The following CHN2 variants were observed in gnomAD, a reference collection of about 807,000 sequenced individuals.
CHN2 encodes the protein chimerin 2, also known as beta-chimaerin.
Under a neutral mutation model 56.3 loss-of-function variants are expected in CHN2, and 35 were observed. That is an observed-to-expected ratio of 0.62 (90% CI 0.47 to 0.82). The LOEUF (loss-of-function observed/expected upper bound fraction) is 0.82, where lower values mean the gene tolerates loss of function less well. Ranked by LOEUF, CHN2 falls within the 40% of genes least tolerant of loss-of-function variation. CHN2 has a pLI of 0.00. For missense variants in CHN2, 491 were observed against 580.5 expected, an observed-to-expected ratio of 0.85 and a Z score of 1.58; for synonymous variants, 210 against 212.8, an observed-to-expected ratio of 0.99 and a Z score of 0.12.
At chr7:29,216,849 T>C (rs1785382580) in intron 1 of CHN2, among the ~76,000 whole-genome samples, 1 of 152,206 alleles carries the variant, frequency 6.6e-6, no homozygotes. Context: ...TATGTTTGCA[T>C]TGTTGGATGG....
chr7:29,490,428 A>C (rs1474204559), intron 7 of CHN2, among the ~76,000 whole-genome samples: 2 of 152,156 alleles, frequency 1.3e-5, no homozygotes, highest in African/African-American at 4.8e-5. Context: ...TTGCCTGTTT[A>C]TTCTTGTAGA....
intron 7 of CHN2, among the ~76,000 whole-genome samples, chr7:29,485,858 C>G (rs149389372): frequency 6.6e-6 from 1 of 152,208 alleles, no homozygotes; most frequent in East Asian, 1.9e-4. Flanking sequence ...CCTCTCCAGT[C>G]TGCATGGGGA....
chr7:29,442,934 C>CTTT (rs541792526), intron 6 of CHN2, among the ~76,000 whole-genome samples: 2,752 of 103,048 alleles, frequency 0.027, 582 homozygotes, highest in African/African-American at 0.1. Flanking sequence ...CATTGAATTT[C>CTTT]TTTTTTTTTT....
intron 6 of CHN2, among the ~76,000 whole-genome samples, chr7:29,402,150 G>A (rs115607544): frequency 0.012 from 1,797 of 152,286 alleles, 39 homozygotes; most frequent in South Asian, 0.051. Flanking sequence ...ATTGGCAGAG[G>A]GGCTTCATCA....
intron 6 of CHN2, among the ~76,000 whole-genome samples, chr7:29,407,859 T>C (rs1212975272): frequency 6.6e-6 from 1 of 152,202 alleles, no homozygotes; most frequent in East Asian, 1.9e-4. Context: ...GTTCTCAAAC[T>C]GACTGAAGGT....
At chr7:29,222,150 A>T (rs767878784) in intron 1 of CHN2, among the ~76,000 whole-genome samples, 12 of 152,198 alleles carry the variant, frequency 7.9e-5, no homozygotes, top group Non-Finnish European at 8.8e-5. Flanking sequence ...AATACAGCTA[A>T]CAAGGGAAGT....
At chr7:29,393,835 T>C in intron 4 of CHN2, 125 bp downstream of exon 4, 1 of 299,488 alleles carries the variant, frequency 3.3e-6, no homozygotes, top group Non-Finnish European at 5.8e-6. Flanking sequence ...AGTTTAATGA[T>C]AATAAATGCA....
intron 7 of CHN2, among the ~76,000 whole-genome samples, chr7:29,494,349 T>C (rs1352415901): frequency 6.6e-6 from 1 of 152,138 alleles, no homozygotes; most frequent in Non-Finnish European, 1.5e-5. Context: ...AGATTAACAA[T>C]TGACTTTGCT....
At chr7:29,247,218 A>G (rs1237860047) in intron 1 of CHN2, among the ~76,000 whole-genome samples, 1 of 152,204 alleles carries the variant, frequency 6.6e-6, no homozygotes, top group Admixed American at 6.5e-5. Context: ...GCGGTTTGGC[A>G]TCTGAGCTTG....
chr7:29,263,176 G>T (rs1053155178), intron 1 of CHN2, among the ~76,000 whole-genome samples: 8 of 152,306 alleles, frequency 5.3e-5, no homozygotes, highest in Middle Eastern at 6.8e-3. Flanking sequence ...TTGCAGGCAC[G>T]CGCCGCCACG....
chr7:29,404,408 C>T (rs1802466620), intron 6 of CHN2, among the ~76,000 whole-genome samples: 1 of 152,132 alleles, frequency 6.6e-6, no homozygotes, highest in African/African-American at 2.4e-5. Flanking sequence ...ATGATCCATG[C>T]CCTTAAATAA....
intron 1 of CHN2, among the ~76,000 whole-genome samples, chr7:29,283,420 CCCCTT>C (rs1200526893): frequency 2.6e-5 from 4 of 152,122 alleles, no homozygotes; most frequent in African/African-American, 9.7e-5. Context: ...AGAATCCTCT[CCCCTT>C]CCATGTGGAC....
chr7:29,483,224 C>T (rs188331378), intron 7 of CHN2, among the ~76,000 whole-genome samples: 1 of 152,230 alleles, frequency 6.6e-6, no homozygotes, highest in East Asian at 1.9e-4. Context: ...AACTATTACC[C>T]CAGGTAAAAA....
At chr7:29,199,671 T>A (rs1784003840) in intron 1 of CHN2, 1 of 152,190 alleles carries the variant, frequency 6.6e-6, no homozygotes, top group Admixed American at 6.5e-5. Context: ...TTTTAACTTA[T>A]TAGATTTTAT....
At chr7:29,248,020 G>C (rs1231417964) in intron 1 of CHN2, among the ~76,000 whole-genome samples, 1 of 152,252 alleles carries the variant, frequency 6.6e-6, no homozygotes, top group East Asian at 1.9e-4. Context: ...GCAGAGCTCA[G>C]AGACCAACCA....
intron 8 of CHN2, among the ~76,000 whole-genome samples, chr7:29,497,300 A>G (rs1789409711): frequency 6.6e-6 from 1 of 152,226 alleles, no homozygotes; most frequent in Non-Finnish European, 1.5e-5. Context: ...CTCAGTGGTC[A>G]TTAATTTGGC....
chr7:29,496,279 C>T (rs1789273355), intron 8 of CHN2, among the ~76,000 whole-genome samples: 1 of 151,748 alleles, frequency 6.6e-6, no homozygotes, highest in Non-Finnish European at 1.5e-5. Flanking sequence ...CCTTAAACAC[C>T]TACCTGCCTC....
At chr7:29,212,361 G>T in intron 1 of CHN2, 1 of 1,560,862 alleles carries the variant, frequency 6.4e-7, no homozygotes, top group Non-Finnish European at 8.8e-7. Flanking sequence ...CGACTGTAAA[G>T]AATCTTAACC....
chr7:29,158,829 TAGAG>T (rs1227199841), intron 2 of CHN2, among the ~76,000 whole-genome samples: 3 of 152,208 alleles, frequency 2.0e-5, no homozygotes. Flanking sequence ...GCTTAACTCT[TAGAG>T]AGATACTTCT....
Sources: gnomAD v4.1 joint callset for allele counts (sites outside exome capture counted in the v4.1 genomes callset) on GRCh38, gnomAD v4.1.1 for gene constraint, MANE v1.5 for transcripts, NCBI Gene and HGNC (gene_info 2026-07-23, HGNC 2026-07-21) for gene names.